Variants in ARHGAP32 observed in about 807,000 individuals in gnomAD.
ARHGAP32 encodes rho GTPase-activating protein 32.
In ARHGAP32, 51 loss-of-function variants were observed where a neutral mutation model predicts 186.5. The observed-to-expected ratio is 0.27, with a 90% CI of 0.22 to 0.35. The LOEUF is 0.35. Ranked by LOEUF, ARHGAP32 falls within the 10% of genes least tolerant of loss-of-function variation. The pLI is 1.00. For synonymous variants in ARHGAP32, 950 were observed against 964.3 expected, an observed-to-expected ratio of 0.99 and a Z score of 0.27; for missense variants, 2,186 against 2,623.5, an observed-to-expected ratio of 0.83 and a Z score of 3.64.
At chr11:129,229,456 T>C (rs912544516) in intron 1 of ARHGAP32, among the ~76,000 whole-genome samples, 4 of 152,166 alleles carry the variant, frequency 2.6e-5, no homozygotes, top group Non-Finnish European at 4.4e-5. Context: ...AATTAAACTT[T>C]TTACTACTCG....
At chr11:129,215,923 T>G (rs771459618) in intron 1 of ARHGAP32, among the ~76,000 whole-genome samples, 1 of 152,182 alleles carries the variant, frequency 6.6e-6, no homozygotes, top group African/African-American at 2.4e-5. Flanking sequence ...TCCTGGATTA[T>G]GCAGGCAGTC....
upstream of ARHGAP32, among the ~76,000 whole-genome samples, chr11:129,192,583 G>A (rs558233198): frequency 5.9e-4 from 90 of 151,964 alleles, no homozygotes; most frequent in African/African-American, 2.0e-3. Flanking sequence ...TTTTGATCTC[G>A]GACTCCAGAA....
In ARHGAP32 at chr11:128,986,610, T is replaced by C. The variant is rs1279570993; in HGVS notation, c.1357A>G (p.Ile453Val). Residue 453 changes from isoleucine (I) to valine (V), a missense_variant, in exon 14 of 23, where the codon ATC becomes GTC. Ile to Val is a conservative substitution (Grantham distance 29). Around this residue, in one of 5 missense-constraint regions of ARHGAP32, gnomAD observed 308 missense variants for 596.5 expected, o/e 0.52. Coordinates refer to ENST00000682385, the MANE Select transcript of ARHGAP32 (RefSeq NM_001378024.1). ...DLTKEPYVQDIHSVGSLCKLY... is the reference protein window; with the variant it reads ...DLTKEPYVQDVHSVGSLCKLY... ...TTACATAGGGAACCCACAGAATGGATGTCCTGAACATACGGTTCTTTCGTC... is the reference window on the plus strand; with the variant it reads ...TTACATAGGGAACCCACAGAATGGACGTCCTGAACATACGGTTCTTTCGTC... The C allele has an allele frequency of 2.5e-6, 4 of 1,614,096 alleles. No homozygotes were observed. In the Admixed American group the frequency reaches 6.7e-5, roughly 27 times the overall value.
intron 1 of ARHGAP32, among the ~76,000 whole-genome samples, chr11:129,261,456 A>C (rs1945319626): frequency 6.6e-6 from 1 of 152,184 alleles, no homozygotes. Context: ...AGGATTTCTA[A>C]AACTTTTCTC....
intron 6 of ARHGAP32, among the ~76,000 whole-genome samples, chr11:129,081,076 T>G (rs1376377024): frequency 6.6e-6 from 1 of 152,048 alleles, no homozygotes; most frequent in East Asian, 1.9e-4. Context: ...ATAGAAACTC[T>G]GAACATACCA....
chr11:129,021,687 C>T (rs1938599809), intron 11 of ARHGAP32, among the ~76,000 whole-genome samples: 1 of 151,978 alleles, frequency 6.6e-6, no homozygotes, highest in South Asian at 2.1e-4. Flanking sequence ...ACACCTTTTT[C>T]CTGCTAAAAG....
chr11:129,248,363 C>T (rs991016564), intron 1 of ARHGAP32, among the ~76,000 whole-genome samples: 1 of 152,060 alleles, frequency 6.6e-6, no homozygotes, highest in Non-Finnish European at 1.5e-5. Flanking sequence ...GACTTCCTTG[C>T]GATGCGATGC....
chr11:129,003,760 G>C (rs1937628450), intron 11 of ARHGAP32, among the ~76,000 whole-genome samples: 1 of 151,716 alleles, frequency 6.6e-6, no homozygotes, highest in Non-Finnish European at 1.5e-5. Context: ...TTCTTTATTT[G>C]GGTCTTCTTT....
intron 1 of ARHGAP32, among the ~76,000 whole-genome samples, chr11:129,274,344 ACTT>A (rs1187102172): frequency 2.0e-5 from 3 of 152,106 alleles, no homozygotes; most frequent in Non-Finnish European, 4.4e-5. Context: ...CTTTAGGTCT[ACTT>A]TTTTTGAGGT....
intron 12 of ARHGAP32, among the ~76,000 whole-genome samples, chr11:128,995,613 T>C (rs903220640): frequency 6.6e-6 from 1 of 152,146 alleles, no homozygotes; most frequent in African/African-American, 2.4e-5. Flanking sequence ...CCAAGGTGGG[T>C]GGATTGCTTG....
At chr11:129,087,124 C>T (rs1339216186) in intron 6 of ARHGAP32, among the ~76,000 whole-genome samples, 1 of 152,174 alleles carries the variant, frequency 6.6e-6, no homozygotes, top group Non-Finnish European at 1.5e-5. Context: ...GCAACAGGAA[C>T]TGTCATTCAT....
intron 1 of ARHGAP32, among the ~76,000 whole-genome samples, chr11:129,231,724 C>G (rs1444704968): frequency 6.6e-6 from 1 of 152,090 alleles, no homozygotes; most frequent in Non-Finnish European, 1.5e-5. Context: ...TCAGAATTCC[C>G]TAGAGTCAGC....
At chr11:129,094,412 G>T (rs1368375799) in intron 5 of ARHGAP32, among the ~76,000 whole-genome samples, 1 of 152,070 alleles carries the variant, frequency 6.6e-6, no homozygotes, top group African/African-American at 2.4e-5. Context: ...CACCATGTAG[G>T]TCTGCATACT....
intron 1 of ARHGAP32, among the ~76,000 whole-genome samples, chr11:129,275,392 T>C (rs560948450): frequency 4.6e-4 from 70 of 152,300 alleles, no homozygotes; most frequent in African/African-American, 1.6e-3. Context: ...AAAGGAAATC[T>C]CTGAGGTCCC....
At chr11:129,104,502 T>C (rs933251837) in intron 5 of ARHGAP32, among the ~76,000 whole-genome samples, 2 of 152,030 alleles carry the variant, frequency 1.3e-5, no homozygotes, top group East Asian at 1.9e-4. Context: ...AAATGATACA[T>C]ATTTTCTATT....
chr11:129,023,933 C>G (rs960105740), intron 11 of ARHGAP32: 71 of 985,222 alleles, frequency 7.2e-5, no homozygotes, highest in Non-Finnish European at 8.4e-5. Context: ...GTAGATTCAT[C>G]AGGATACAAC....
chr11:129,237,851 A>G (rs1944956657), intron 1 of ARHGAP32, among the ~76,000 whole-genome samples: 1 of 152,188 alleles, frequency 6.6e-6, no homozygotes, highest in Non-Finnish European at 1.5e-5. Flanking sequence ...TGGCTGCTCT[A>G]TAAAGACTAG....
intron 11 of ARHGAP32, chr11:129,024,155 C>T (rs935160383): frequency 3.5e-5 from 34 of 985,312 alleles, no homozygotes; most frequent in Non-Finnish European, 4.0e-5. Context: ...AGCTCTGCCT[C>T]CAGGAGCTTA....
Position 128,970,240 on chromosome 11 carries a change from C to T in ARHGAP32, c.4973G>A (p.Gly1658Asp). The change falls in exon 23 of 23, where the codon GGC becomes GAC. Residue 1658 changes from glycine to aspartate, a missense_variant. Physicochemically the swap from Gly to Asp is moderately conservative, Grantham distance 94. Around this residue, in one of 5 missense-constraint regions of ARHGAP32, gnomAD observed 1,502 missense variants for 1,570.0 expected, o/e 0.96. Coordinates refer to ENST00000682385, the MANE Select transcript of ARHGAP32 (RefSeq NM_001378024.1). This position sits in a 1 kb window ranked among gnomAD's most constrained non-coding sequence, Gnocchi z 5.8. The part of the protein sequence containing the change: ...VTQLQPYFEN[G>D]RVHYRYSPYS... ...TGGGCTATACCTGTAGTGGACCCGG[C>T]CATTCTCAAAGTAAGGCTGAAGCTG... The T allele has an allele frequency of 1.9e-6, 3 of 1,614,140 alleles. No homozygotes were observed. Among genetic ancestry groups the T allele is most frequent in the Admixed American group, 3.3e-5 (2 of 60,016 alleles).
Sources: gnomAD v4.1 joint callset for allele counts (sites outside exome capture counted in the v4.1 genomes callset) on GRCh38, gnomAD v4.1.1 for gene constraint, gnomAD v4.1.1 regional missense constraint, Gnocchi (gnomAD v3.1) non-coding constraint, MANE v1.5 for transcripts, NCBI Gene and HGNC (gene_info 2026-07-23, HGNC 2026-07-21) for gene names.